Variants in SYT1 observed in about 807,000 individuals in gnomAD.
SYT1 encodes synaptotagmin-1.
SYT1 carries 8 observed loss-of-function variants against 44.8 expected under a neutral mutation model. The ratio of observed to expected loss-of-function variants is 0.18; its 90% confidence interval spans 0.10 to 0.32. SYT1 has a LOEUF of 0.32. Ranked by LOEUF, SYT1 falls within the 10% of genes least tolerant of loss-of-function variation. The probability of loss-of-function intolerance (pLI) is 1.00; values close to 1 mark genes in which losing one functional copy is unlikely to be tolerated. For missense variants in SYT1, 286 were observed against 509.3 expected (o/e 0.56, Z 4.22); for synonymous variants, 154 against 188.8 (o/e 0.82, Z 1.51).
intron 2 of SYT1, among the ~76,000 whole-genome samples, chr12:78,998,240 A>G (rs1006257692): frequency 1.3e-5 from 2 of 152,232 alleles, no homozygotes; most frequent in Admixed American, 6.5e-5. Context: ...AAGCATGGAG[A>G]TATTTTACAG....
At chr12:79,063,646 C>A (rs1392083226) in intron 3 of SYT1, among the ~76,000 whole-genome samples, 1 of 152,110 alleles carries the variant, frequency 6.6e-6, no homozygotes, top group African/African-American at 2.4e-5. Flanking sequence ...TCTGCCTTAT[C>A]ACCAGTATTT....
At chr12:79,405,540 C>T (rs1460015231) in intron 9 of SYT1, among the ~76,000 whole-genome samples, 3 of 152,196 alleles carry the variant, frequency 2.0e-5, no homozygotes, top group African/African-American at 4.8e-5. Context: ...GACAAATAAA[C>T]GTCTGACCAC....
At chr12:78,884,354 T>C (rs1874620133) in intron 1 of SYT1, among the ~76,000 whole-genome samples, 2 of 151,578 alleles carry the variant, frequency 1.3e-5, no homozygotes, top group South Asian at 2.1e-4. Flanking sequence ...ATTAAGTAAT[T>C]GTGTGAAACA....
At chr12:78,892,489 G>T (rs1418219477) in intron 1 of SYT1, among the ~76,000 whole-genome samples, 2 of 151,482 alleles carry the variant, frequency 1.3e-5, no homozygotes, top group Non-Finnish European at 3.0e-5. Flanking sequence ...GACCAGTATA[G>T]ACCTAAACAA....
At chr12:79,377,346 C>T (rs1884040558) in intron 9 of SYT1, among the ~76,000 whole-genome samples, 1 of 152,274 alleles carries the variant, frequency 6.6e-6, no homozygotes, top group East Asian at 1.9e-4. Flanking sequence ...CTCCTGACCT[C>T]GTGATCCGCC....
chr12:78,986,393 T>C (rs1565750103), intron 2 of SYT1, among the ~76,000 whole-genome samples: 1 of 151,990 alleles, frequency 6.6e-6, no homozygotes, highest in African/African-American at 2.4e-5. Context: ...GTAGTTTTTT[T>C]TGATGAAACA....
chr12:79,211,178 C>A (rs1227518927), intron 3 of SYT1, among the ~76,000 whole-genome samples: 1 of 152,072 alleles, frequency 6.6e-6, no homozygotes, highest in Admixed American at 6.6e-5. Context: ...AAAAACTGGA[C>A]ACTTTATATA....
intron 3 of SYT1, among the ~76,000 whole-genome samples, chr12:79,164,408 C>T (rs1406280301): frequency 6.6e-6 from 1 of 151,990 alleles, no homozygotes; most frequent in Non-Finnish European, 1.5e-5. Context: ...AGAAGTTGTG[C>T]GGATGCCTCA....
chr12:79,016,157 C>G (rs945810319), intron 2 of SYT1, among the ~76,000 whole-genome samples: 1 of 152,122 alleles, frequency 6.6e-6, no homozygotes, highest in Non-Finnish European at 1.5e-5. Context: ...AACAGAAGTT[C>G]TTTCTGTTCT....
chr12:79,317,084 G>A (rs1359621710), intron 8 of SYT1, among the ~76,000 whole-genome samples: 3 of 152,110 alleles, frequency 2.0e-5, no homozygotes, highest in African/African-American at 7.2e-5. Flanking sequence ...CGGATACATC[G>A]AGTAGCTATT....
At chr12:78,927,988 T>C (rs1314643507) in intron 1 of SYT1, among the ~76,000 whole-genome samples, 1 of 152,150 alleles carries the variant, frequency 6.6e-6, no homozygotes. Context: ...TCTGCTGGGA[T>C]TTGAAAGTAT....
intron 4 of SYT1, among the ~76,000 whole-genome samples, chr12:79,232,409 G>T (rs989150685): frequency 6.6e-6 from 1 of 151,962 alleles, no homozygotes; most frequent in Non-Finnish European, 1.5e-5. Flanking sequence ...TCAACTGTTC[G>T]CCCTCACACA....
chr12:79,116,417 G>A (rs1468219852), intron 3 of SYT1, among the ~76,000 whole-genome samples: 1 of 152,136 alleles, frequency 6.6e-6, no homozygotes, highest in African/African-American at 2.4e-5. Flanking sequence ...AAATTAGGAA[G>A]GCAAAGTATT....
chr12:78,921,314 T>C (rs1255072695), intron 1 of SYT1, among the ~76,000 whole-genome samples: 2 of 151,968 alleles, frequency 1.3e-5, no homozygotes, highest in African/African-American at 4.8e-5. Context: ...ATCTAATCCA[T>C]GAATTGGGAG....
rs369255043 is a variant in SYT1, at chr12:79,289,181, G to A, written c.352-2827G>A. ...GTTGCAAACAAAGCACCTGTTGAAT[G>A]TCAAAGCAAACCATATGCATGCGCA... On this transcript the variant is annotated intron_variant, in intron 5 of 10. Transcript: ENST00000261205. Among the ~76,000 whole-genome samples, 25 of 152,262 alleles carry A rather than the reference G, an allele frequency of 1.6e-4. No homozygotes were observed. The South Asian group carries it at 4.8e-3, about 29-fold the overall frequency.
At chr12:79,007,126 C>T (rs2137554456) in intron 2 of SYT1, among the ~76,000 whole-genome samples, 1 of 152,236 alleles carries the variant, frequency 6.6e-6, no homozygotes, top group African/African-American at 2.4e-5. Flanking sequence ...GGCATGACAG[C>T]CAGCCAGGAG....
At chr12:79,234,089 C>A (rs1213697742) in intron 4 of SYT1, among the ~76,000 whole-genome samples, 1 of 152,172 alleles carries the variant, frequency 6.6e-6, no homozygotes, top group Admixed American at 6.5e-5. Flanking sequence ...TTCTTTCCTT[C>A]TAACATTCTT....
intron 1 of SYT1, among the ~76,000 whole-genome samples, chr12:78,969,310 A>G (rs1868321172): frequency 6.6e-6 from 1 of 152,218 alleles, no homozygotes; most frequent in Non-Finnish European, 1.5e-5. Flanking sequence ...ATACTGAGGA[A>G]TGACTGAATA....
At chr12:79,301,429 A>T (rs1368594008) in intron 8 of SYT1, among the ~76,000 whole-genome samples, 1 of 152,186 alleles carries the variant, frequency 6.6e-6, no homozygotes, top group Non-Finnish European at 1.5e-5. Flanking sequence ...ACTTAACACC[A>T]GGCTGACGGG....
Sources: gnomAD v4.1 joint callset for allele counts (sites outside exome capture counted in the v4.1 genomes callset) on GRCh38, gnomAD v4.1.1 for gene constraint, MANE v1.5 for transcripts, NCBI Gene and HGNC (gene_info 2026-07-23, HGNC 2026-07-21) for gene names.